Variants in YEATS2 observed in about 807,000 individuals in gnomAD.
YEATS2 encodes the protein YEATS domain containing 2.
YEATS2 carries 77 observed loss-of-function variants against 163.2 expected under a neutral mutation model. The observed-to-expected ratio is 0.47, with a 90% CI of 0.39 to 0.57. YEATS2 has a LOEUF of 0.57. YEATS2 is among the 20% of genes least tolerant of loss of function. The probability of loss-of-function intolerance (pLI) is 0.00; values close to 1 mark genes in which losing one functional copy is unlikely to be tolerated. For missense variants in YEATS2, 1,549 were observed against 1,729.8 expected (o/e 0.90, Z 1.85); for synonymous variants, 631 against 645.1 (o/e 0.98, Z 0.33).
intron 5 of YEATS2, 140 bp downstream of exon 5, chr3:183,722,276 ATCTTTT>A: frequency 2.6e-5 from 15 of 584,228 alleles, no homozygotes; most frequent in Non-Finnish European, 3.3e-5. Flanking sequence ...GGGAAACCAA[ATCTTTT>A]TTTTTTTTTT....
At chr3:183,720,018 T>G (rs1716329648) in intron 4 of YEATS2, among the ~76,000 whole-genome samples, 1 of 152,206 alleles carries the variant, frequency 6.6e-6, no homozygotes, top group African/African-American at 2.4e-5. Context: ...AACTGGAAGT[T>G]AAGTCTAAAG....
intron 5 of YEATS2, among the ~76,000 whole-genome samples, chr3:183,722,576 A>G (rs1289467095): frequency 1.3e-5 from 2 of 152,086 alleles, no homozygotes; most frequent in Non-Finnish European, 2.9e-5. Context: ...GGCGTGAGCC[A>G]CTGCGCCCAG....
In YEATS2 at chr3:183,775,958, A is replaced by T. The variant is rs1173339870; in HGVS notation, c.2412A>T (p.Gly804=). Residue 804 remains glycine (G), a synonymous_variant, in exon 18 of 31, where the codon GGA becomes GGT. Transcript: ENST00000305135. ...CTGCCAGTGGTGGGAGTGGTGCCGG[A>T]GGAGGAGGAGGAGGAGGAGGAGGAG... ...GSAASGGSGA[G]GGGGGGGGGG... is the part of the protein sequence containing the mutation. 5.6e-5 allele frequency: 23 copies of T among 412,670 alleles called. No homozygotes were observed. The highest frequency in any genetic ancestry group is 2.5e-3 in the Middle Eastern group (2 of 810). 25.6% of individuals were successfully genotyped at this position (412,670 alleles called of 1,614,324 possible). A position where few individuals can be genotyped will look rare whatever the true frequency, so the allele number is the denominator to read the frequency against.
chr3:183,774,781 A>C (rs145163431), intron 17 of YEATS2, among the ~76,000 whole-genome samples: 4 of 152,318 alleles, frequency 2.6e-5, no homozygotes, highest in African/African-American at 9.6e-5. Context: ...TCAGCTCATC[A>C]TCCTTGCGTT....
At chr3:183,726,502 T>C (rs1717113430) in intron 6 of YEATS2, among the ~76,000 whole-genome samples, 1 of 152,190 alleles carries the variant, frequency 6.6e-6, no homozygotes, top group Non-Finnish European at 1.5e-5. Flanking sequence ...TAGGACGTTA[T>C]AAATCCTCTA....
intron 11 of YEATS2, 89 bp downstream of exon 11, chr3:183,754,454 C>G (rs1195339646): frequency 4.7e-6 from 7 of 1,487,004 alleles, no homozygotes; most frequent in African/African-American, 1.4e-5. Context: ...GGCTTTTTTT[C>G]TCTTAAGTTC....
chr3:183,747,728 T>A lies in YEATS2; in HGVS notation c.969+12T>A. 1 of 1,610,578 alleles carries A rather than the reference T, an allele frequency of 6.2e-7. No homozygotes were observed. The highest frequency in any genetic ancestry group is 8.5e-7 in the Non-Finnish European group (1 of 1,177,368). ...TTGGAGCAGAGACGGTAGGTTTTTT[T>A]CCTACAGTATTATCTGGGAATGAGT... On this transcript the variant is annotated intron_variant, in intron 9 of 30. Coordinates refer to ENST00000305135, the MANE Select transcript of YEATS2 (RefSeq NM_018023.5).
intron 13 of YEATS2, among the ~76,000 whole-genome samples, chr3:183,759,542 TTC>T (rs1404805074): frequency 6.6e-6 from 1 of 152,196 alleles, no homozygotes; most frequent in Non-Finnish European, 1.5e-5. Flanking sequence ...TTATTAAACT[TTC>T]TGCTCCTTAA....
At chr3:183,757,526 T>TG (rs956294753) in intron 12 of YEATS2, among the ~76,000 whole-genome samples, 27 of 151,876 alleles carry the variant, frequency 1.8e-4, no homozygotes, top group Non-Finnish European at 2.8e-4. Context: ...CCAATCCACC[T>TG]GCCTCAGCCT....
At chr3:183,791,775 T>C (rs1724678174) in intron 21 of YEATS2, among the ~76,000 whole-genome samples, 1 of 152,212 alleles carries the variant, frequency 6.6e-6, no homozygotes, top group African/African-American at 2.4e-5. Context: ...AGTGATAGGC[T>C]GGAGATCCAG....
rs1726284811 is a variant in YEATS2, at chr3:183,807,049, C to T, written c.3968C>T (p.Pro1323Leu). Residue 1323 changes from proline (P) to leucine (L), a missense_variant, in exon 28 of 31, where the codon CCA becomes CTA. Coordinates refer to ENST00000305135, the MANE Select transcript of YEATS2 (RefSeq NM_018023.5). ...CAAGAGGAAGTCAAGTTCTACCTGCCACCAACCCCAGGGTCTGAATTTATT... is the reference window on the plus strand; with the variant it reads ...CAAGAGGAAGTCAAGTTCTACCTGCTACCAACCCCAGGGTCTGAATTTATT... ...EKQEEVKFYL[P>L]PTPGSEFIGD... 2 of 1,614,004 alleles carry T rather than the reference C, an allele frequency of 1.2e-6. No homozygotes were observed. The highest frequency in any genetic ancestry group is 4.5e-5 in the East Asian group (2 of 44,882).
intron 6 of YEATS2, 103 bp from the exon 7 acceptor site, chr3:183,728,587 G>A (rs1196802345): frequency 9.3e-7 from 1 of 1,080,028 alleles, no homozygotes; most frequent in Non-Finnish European, 1.3e-6. Context: ...GTTAAATATT[G>A]CAGGAATTTT....
At chr3:183,771,229 C>T (rs1037879069) in intron 15 of YEATS2, among the ~76,000 whole-genome samples, 2 of 152,150 alleles carry the variant, frequency 1.3e-5, no homozygotes, top group Non-Finnish European at 2.9e-5. Context: ...GGGTGAACAG[C>T]ACTTCCTATT....
chr3:183,752,541 C>T (rs1720283081), intron 10 of YEATS2, among the ~76,000 whole-genome samples: 1 of 151,536 alleles, frequency 6.6e-6, no homozygotes, highest in Admixed American at 6.6e-5. Flanking sequence ...AACCCCGTCT[C>T]TACTAAAAAT....
intron 13 of YEATS2, among the ~76,000 whole-genome samples, chr3:183,760,313 A>ATTTTTTT (rs11417378): frequency 3.6e-5 from 4 of 110,312 alleles, no homozygotes; most frequent in African/African-American, 3.6e-5. Flanking sequence ...AAACTACAGA[A>ATTTTTTT]TTTTTTTTTT....
chr3:183,737,013 C>T (rs912565195), intron 8 of YEATS2, among the ~76,000 whole-genome samples, 184 bp downstream of exon 8: 3 of 152,130 alleles, frequency 2.0e-5, no homozygotes, highest in Admixed American at 2.0e-4. Context: ...ATAATGTAAA[C>T]AGTCAATTAA....
At position 183,758,890 on chromosome 3, in the gene YEATS2, T is replaced by C. The variant is rs1209644383; in HGVS notation, c.1581T>C (p.Ala527=). ...GTCCTACAAACAAGATCTCCACGGC[T>C]TCTCAGGTCTCCCAAGGAACAGGTT... The part of the protein sequence containing the change: ...TGSPTNKIST[A]SQVSQGTGSP... Residue 527 remains alanine, a synonymous_variant, in exon 13 of 31, where the codon GCT becomes GCC. Transcript: ENST00000305135. 1.3e-6 allele frequency: 2 copies of C among 1,596,482 alleles called. No individual in the cohort carries two copies. The highest frequency in any genetic ancestry group is 1.7e-6 in the Non-Finnish European group (2 of 1,174,744).
intron 7 of YEATS2, among the ~76,000 whole-genome samples, chr3:183,735,467 C>A (rs553581404): frequency 6.6e-6 from 1 of 152,252 alleles, no homozygotes; most frequent in East Asian, 1.9e-4. Context: ...GTTTTCTTTG[C>A]TTTCTTTTCT....
intron 16 of YEATS2, among the ~76,000 whole-genome samples, chr3:183,772,774 CACACCCACAT>C (rs902155877): frequency 4.0e-5 from 6 of 151,130 alleles, no homozygotes; most frequent in African/African-American, 1.5e-4. Context: ...CACACACACA[CACACCCACAT>C]ACACACACAC....
Sources: gnomAD v4.1 joint callset for allele counts (sites outside exome capture counted in the v4.1 genomes callset) on GRCh38, gnomAD v4.1.1 for gene constraint, MANE v1.5 for transcripts, NCBI Gene and HGNC (gene_info 2026-07-23, HGNC 2026-07-21) for gene names.